The following SPATA18 variants were observed in gnomAD, a reference collection of about 807,000 sequenced individuals.
SPATA18 encodes the protein spermatogenesis associated 18, also known as mitochondria-eating protein.
SPATA18 carries 54 observed loss-of-function variants against 68.1 expected under a neutral mutation model. The observed-to-expected ratio is 0.79, with a 90% CI of 0.64 to 0.99. The LOEUF is 0.99. Ranked by LOEUF, SPATA18 falls within the 50% of genes least tolerant of loss-of-function variation. SPATA18 has a pLI of 0.00. For synonymous variants in SPATA18, 242 were observed against 244.8 expected, an observed-to-expected ratio of 0.99 and a Z score of 0.11; for missense variants, 724 against 681.1, an observed-to-expected ratio of 1.06 and a Z score of -0.70.
chr4:52,076,696 G>C, intron 6 of SPATA18, 83 bp from the exon 7 acceptor site: 1 of 1,570,606 alleles, frequency 6.4e-7, no homozygotes. Context: ...CGGATGGTCG[G>C]ATTCATTGGC....
At chr4:52,082,982 G>A (rs902379470) in intron 10 of SPATA18, 1 of 985,260 alleles carries the variant, frequency 1.0e-6, no homozygotes, top group Non-Finnish European at 1.2e-6. Context: ...GAGACAAAGA[G>A]GGCAGAGGAG....
intron 7 of SPATA18, among the ~76,000 whole-genome samples, chr4:52,077,312 C>G (rs1740471374): frequency 7.1e-6 from 1 of 140,756 alleles, no homozygotes; most frequent in Admixed American, 7.3e-5. Context: ...CTCTCTCCCT[C>G]TCTCCTTCCT....
At chr4:52,083,156 T>C in intron 10 of SPATA18, 1 of 985,322 alleles carries the variant, frequency 1.0e-6, no homozygotes, top group Non-Finnish European at 1.2e-6. Context: ...GTACTGGGGA[T>C]TGGGTGATGG....
chr4:52,079,835 G>C lies in SPATA18; in HGVS notation c.1271G>C (p.Cys424Ser), dbSNP rs1162556190. The C allele has an allele frequency of 1.2e-6, 2 of 1,613,890 alleles. No individual in the cohort carries two copies. Among genetic ancestry groups the C allele is most frequent in the African/African-American group, 1.3e-5 (1 of 74,916 alleles). ...CTCAGTGACTTCATCCAGGAGATAT[G>C]TTGCATTGCCTTTGCAATGCAGGCC... is the stretch of plus-strand genomic sequence containing the variant. ...CLLSDFIQEI[C>S]CIAFAMQALE... The change falls in exon 9 of 13, where the codon TGT becomes TCT. Residue 424 changes from cysteine to serine, a missense_variant. By Grantham distance (112) the Cys-to-Ser change is moderately radical. Coordinates refer to ENST00000295213, the MANE Select transcript of SPATA18 (RefSeq NM_145263.4).
rs745749885 is a variant in SPATA18 at position 52,079,737 on chromosome 4, T to G, written c.1180-7T>G. ...GTAACAAAGTGATGCCATCTTTTGT[T>G]TTTCAGGATGTGATCCGAGCCATGA... On this transcript the variant is annotated splice_polypyrimidine_tract_variant and splice_region_variant and intron_variant, in intron 8 of 12. Coordinates refer to ENST00000295213, the MANE Select transcript of SPATA18 (RefSeq NM_145263.4). 1 of 1,613,332 alleles carries G rather than the reference T, an allele frequency of 6.2e-7. No individual in the cohort carries two copies. The highest frequency in any genetic ancestry group is 1.7e-5 in the Admixed American group (1 of 59,920).
chr4:52,082,448 G>T lies in SPATA18; in HGVS notation c.1417G>T (p.Ala473Ser), dbSNP rs745435990. The T allele has an allele frequency of 1.9e-6, 3 of 1,614,114 alleles. No homozygotes were observed. Among genetic ancestry groups the T allele is most frequent in the Non-Finnish European group, 2.5e-6 (3 of 1,180,006 alleles). Residue 473 changes from alanine to serine, a missense_variant, in exon 10 of 13, where the codon GCT becomes TCT. Coordinates refer to ENST00000295213, the MANE Select transcript of SPATA18 (RefSeq NM_145263.4). The part of the protein sequence containing the change: ...APLVLYHVWP[A>S]LMENDCVIMK... ...CTTAGTCCTCTATCACGTGTGGCCT[G>T]CTCTCATGGAGAATGACTGTGTCAT...
rs1426877320 is a variant in SPATA18 at position 52,076,984 on chromosome 4, C to T, written c.964C>T (p.Arg322Trp). 4 of 1,613,332 alleles carry T rather than the reference C, an allele frequency of 2.5e-6. No homozygotes were observed. Among genetic ancestry groups the T allele is most frequent in the South Asian group, 2.2e-5 (2 of 90,896 alleles). The stretch of plus-strand genomic sequence containing the variant: ...CCGCCTGGACGCGCAGTGCCTGCTG[C>T]GGCGCTGCATCGACAAGGCTGAGAC... ...QARLDAQCLLRRCIDKAETVQ... is the reference protein window; with the variant it reads ...QARLDAQCLLWRCIDKAETVQ... Residue 322 changes from arginine (R) to tryptophan (W), a missense_variant, in exon 7 of 13, where the codon CGG (arginine) becomes TGG (tryptophan). Transcript: ENST00000295213.
At chr4:52,077,127 G>C in intron 7 of SPATA18, 87 bp downstream of exon 7, 1 of 1,433,404 alleles carries the variant, frequency 7.0e-7, no homozygotes, top group South Asian at 1.4e-5. Flanking sequence ...ACAAAGACTA[G>C]TGGATCCTGA....
At chr4:52,073,321 C>G (rs1199748226) in intron 6 of SPATA18, among the ~76,000 whole-genome samples, 1 of 152,180 alleles carries the variant, frequency 6.6e-6, no homozygotes, top group Non-Finnish European at 1.5e-5. Context: ...TCTGTAAAAC[C>G]TCCCTTTATG....
At position 52,072,075 on chromosome 4, in the gene SPATA18, T is replaced by A; in HGVS notation, c.677T>A (p.Met226Lys). Residue 226 changes from methionine to lysine, a missense_variant, in exon 6 of 13, where the codon ATG (methionine) becomes AAG (lysine). Physicochemically the swap from Met to Lys is moderately conservative, Grantham distance 95. Transcript: ENST00000295213. Reference sequence around the variant, plus strand: ...GCAGACCAGCAGGACACAGAAGCCATGTCCGATTATAAGAAACAGCTCCGA... The same window carrying A: ...GCAGACCAGCAGGACACAGAAGCCAAGTCCGATTATAAGAAACAGCTCCGA... Reference protein sequence around the residue: ...QNADQQDTEAMSDYKKQLRNL... With the variant: ...QNADQQDTEAKSDYKKQLRNL... The A allele has an allele frequency of 6.2e-7, 1 of 1,613,926 alleles. No homozygotes were observed. Among genetic ancestry groups the A allele is most frequent in the Non-Finnish European group, 8.5e-7 (1 of 1,179,988 alleles).
intron 11 of SPATA18, among the ~76,000 whole-genome samples, chr4:52,088,023 C>G (rs1447625267): frequency 2.6e-5 from 4 of 152,180 alleles, no homozygotes; most frequent in South Asian, 2.1e-4. Context: ...ATTTTATTCT[C>G]TTAGTAGCAA....
At chr4:52,077,345 T>C (rs577114651) in intron 7 of SPATA18, among the ~76,000 whole-genome samples, 32 of 141,928 alleles carry the variant, frequency 2.3e-4, no homozygotes, top group African/African-American at 8.2e-4. Context: ...TTCCTTTCTC[T>C]TTCCCTCCCT....
chr4:52,060,351 C>A (rs971413060), intron 1 of SPATA18, 68 bp from the exon 2 acceptor site: 2 of 1,337,822 alleles, frequency 1.5e-6, no homozygotes, highest in Non-Finnish European at 2.1e-6. Flanking sequence ...AAGTGAGGCC[C>A]TGGTCTGTCT....
rs953542874 is a variant in SPATA18, at chr4:52,051,546, G to C, written c.-159G>C. 9 of 721,882 alleles carry C rather than the reference G, an allele frequency of 1.2e-5. No homozygotes were observed. The highest frequency in any genetic ancestry group is 1.9e-5 in the Non-Finnish European group (8 of 419,664). The allele number at this position is 721,882 out of a possible 1,614,324, so 44.7% of individuals were successfully genotyped here. ...CCCTCTGGCTTCCCGAACCCGGCCA[G>C]GTCCGACCCGAGGGGGAGGATGGAA... On this transcript the variant is annotated 5_prime_UTR_variant, in exon 1 of 13. Transcript: ENST00000295213.
intron 6 of SPATA18, among the ~76,000 whole-genome samples, chr4:52,075,556 G>C (rs921216800): frequency 6.6e-6 from 1 of 152,192 alleles, no homozygotes; most frequent in Non-Finnish European, 1.5e-5. Flanking sequence ...GGATTTGGGG[G>C]TCAAAACTTG....
rs1654810228 is a variant in SPATA18, at chr4:52,094,859, ACTGT to A, written c.1610-18_1610-15del. On this transcript the variant is annotated splice_polypyrimidine_tract_variant and intron_variant, in intron 12 of 12. Coordinates refer to ENST00000295213, the MANE Select transcript of SPATA18 (RefSeq NM_145263.4). ...TCGAAGAAAGTGACCATAATAATGAACTGTCTATTTTTCTCCCTAGGATTTTAAA... is the reference window on the plus strand; with the variant it reads ...TCGAAGAAAGTGACCATAATAATGAACTATTTTTCTCCCTAGGATTTTAAA... 1.2e-6 allele frequency: 2 copies of A among 1,613,900 alleles called. No homozygotes were observed. The highest frequency in any genetic ancestry group is 1.1e-5 in the South Asian group (1 of 91,070).
At chr4:52,081,052 A>T (rs1415993571) in intron 9 of SPATA18, among the ~76,000 whole-genome samples, 1 of 152,240 alleles carries the variant, frequency 6.6e-6, no homozygotes, top group Admixed American at 6.5e-5. Context: ...GGAAGAGCTG[A>T]TACTAGGACA....
intron 11 of SPATA18, among the ~76,000 whole-genome samples, chr4:52,089,883 T>A (rs967962881): frequency 6.6e-6 from 1 of 152,174 alleles, no homozygotes; most frequent in Non-Finnish European, 1.5e-5. Flanking sequence ...GACAGTGGGG[T>A]GTTAAAGTCT....
chr4:52,054,892 A>G (rs1019759768), intron 1 of SPATA18, among the ~76,000 whole-genome samples: 2 of 151,146 alleles, frequency 1.3e-5, no homozygotes, highest in African/African-American at 2.4e-5. Context: ...CCTTTTGACA[A>G]TTAGAACATG....
Sources: allele counts gnomAD v4.1 joint callset (sites outside exome capture counted in the v4.1 genomes callset), GRCh38; gene constraint gnomAD v4.1.1; transcripts MANE v1.5; gene names NCBI Gene and HGNC (gene_info 2026-07-23, HGNC 2026-07-21).